SLC36A1: variants seen among roughly 807,000 people sequenced by gnomAD.
SLC36A1 encodes solute carrier family 36 member 1.
SLC36A1 carries 30 observed loss-of-function variants against 47.5 expected under a neutral mutation model. The observed-to-expected ratio is 0.63, with a 90% CI of 0.47 to 0.86. The LOEUF is 0.86. SLC36A1 is among the 40% of genes least tolerant of loss of function. The pLI is 0.00. For missense variants in SLC36A1, 517 were observed against 606.0 expected, an observed-to-expected ratio of 0.85 and a Z score of 1.54; for synonymous variants, 255 against 249.7, an observed-to-expected ratio of 1.02 and a Z score of -0.20.
the SLC36A1 span, among the ~76,000 whole-genome samples, chr5:151,431,564 C>A: frequency 2.0e-5 from 3 of 152,088 alleles, no homozygotes; most frequent in Non-Finnish European, 4.4e-5. Context: ...TAGGAGGGAC[C>A]CGGTGATAGG....
intron 10 of SLC36A1, among the ~76,000 whole-genome samples, chr5:151,482,749 C>T (rs1227755466): frequency 2.0e-5 from 3 of 152,094 alleles, no homozygotes; most frequent in African/African-American, 4.8e-5. Flanking sequence ...CCCTTGTTTT[C>T]GTATTTTTTA....
the SLC36A1 span, among the ~76,000 whole-genome samples, chr5:151,520,111 C>T: frequency 6.6e-6 from 1 of 152,230 alleles, no homozygotes; most frequent in Non-Finnish European, 1.5e-5. Context: ...CAGCCTAAAT[C>T]GAGTGGTCCC....
At chr5:151,450,420 G>A (rs1479708580) in intron 1 of SLC36A1, among the ~76,000 whole-genome samples, 1 of 151,978 alleles carries the variant, frequency 6.6e-6, no homozygotes, top group Admixed American at 6.6e-5. Context: ...ATGTAGAGTG[G>A]ATGGAGCAGA....
chr5:151,467,564 C>G (rs1331265113), intron 6 of SLC36A1, 143 bp from the exon 7 acceptor site: 5 of 707,636 alleles, frequency 7.1e-6, no homozygotes, highest in Non-Finnish European at 1.2e-5. Flanking sequence ...GTGAAGTTCT[C>G]TAAAGATGGC....
chr5:151,473,464 T>C (rs929981340), intron 7 of SLC36A1, among the ~76,000 whole-genome samples: 1 of 152,168 alleles, frequency 6.6e-6, no homozygotes, highest in African/African-American at 2.4e-5. Flanking sequence ...GGCTTGTCTT[T>C]CCCCCAAACA....
the SLC36A1 span, chr5:151,551,591 A>C: frequency 1.2e-6 from 2 of 1,614,210 alleles, no homozygotes; most frequent in Non-Finnish European, 1.7e-6. Flanking sequence ...GTCAAAGTCC[A>C]TGTCCTTATC....
At chr5:151,399,840 G>A in the SLC36A1 span, among the ~76,000 whole-genome samples, 2 of 152,110 alleles carry the variant, frequency 1.3e-5, no homozygotes, top group Non-Finnish European at 1.5e-5. Context: ...CATAGTAAGG[G>A]ATCATGAAGC....
intron 2 of SLC36A1, 149 bp from the exon 3 acceptor site, chr5:151,463,404 G>T: frequency 3.0e-6 from 2 of 665,910 alleles, no homozygotes. Flanking sequence ...TACTAGGTAT[G>T]TGACCTTGAG....
chr5:151,525,137 G>A, the SLC36A1 span, among the ~76,000 whole-genome samples: 1 of 152,150 alleles, frequency 6.6e-6, no homozygotes, highest in African/African-American at 2.4e-5. Context: ...CTGAAAGAAT[G>A]AATACATCAT....
At chr5:151,379,276 G>A in the SLC36A1 span, among the ~76,000 whole-genome samples, 1 of 152,174 alleles carries the variant, frequency 6.6e-6, no homozygotes, top group Non-Finnish European at 1.5e-5. Flanking sequence ...ACCATTTTAT[G>A]AGCCAAGTAG....
intron 1 of SLC36A1, among the ~76,000 whole-genome samples, chr5:151,438,732 A>G (rs1240371122): frequency 6.6e-6 from 1 of 152,248 alleles, no homozygotes; most frequent in Middle Eastern, 3.4e-3. Context: ...AAAATTCACC[A>G]TCTCTCATGC....
the SLC36A1 span, among the ~76,000 whole-genome samples, chr5:151,400,128 C>T: frequency 6.6e-6 from 1 of 152,018 alleles, no homozygotes; most frequent in Non-Finnish European, 1.5e-5. Context: ...ATCTTAGTAC[C>T]CAATGGGTGG....
At chr5:151,377,186 C>T in the SLC36A1 span, among the ~76,000 whole-genome samples, 38 of 152,062 alleles carry the variant, frequency 2.5e-4, no homozygotes, top group Middle Eastern at 3.4e-3. Context: ...GTATACTCTG[C>T]AATTGTTGGG....
the SLC36A1 span, among the ~76,000 whole-genome samples, chr5:151,414,933 G>C: frequency 6.6e-6 from 1 of 152,094 alleles, no homozygotes; most frequent in African/African-American, 2.4e-5. Flanking sequence ...ACCTCCTCCA[G>C]CTCCAGAAGG....
chr5:151,521,558 C>T, the SLC36A1 span: 4 of 1,614,218 alleles, frequency 2.5e-6, no homozygotes, highest in Non-Finnish European at 3.4e-6. Flanking sequence ...ACATCCACAC[C>T]AGCCACGGCC....
the SLC36A1 span, among the ~76,000 whole-genome samples, chr5:151,515,341 A>G: frequency 1.3e-5 from 2 of 151,824 alleles, no homozygotes; most frequent in African/African-American, 4.8e-5. Context: ...TCCTTGGCCT[A>G]CTCTCTCTTC....
the SLC36A1 span, among the ~76,000 whole-genome samples, chr5:151,535,843 C>A: frequency 0.15 from 22,618 of 151,992 alleles, 1,823 homozygotes; most frequent in South Asian, 0.26. Context: ...GGGGTCTCCG[C>A]TGCTTGTTGT....
At chr5:151,457,843 GTTGT>G (rs1328022194) in intron 1 of SLC36A1, among the ~76,000 whole-genome samples, 1 of 129,356 alleles carries the variant, frequency 7.7e-6, no homozygotes, top group Non-Finnish European at 1.6e-5. Flanking sequence ...CTTTTTTTTT[GTTGT>G]TTGTTTGTTT....
the SLC36A1 span, among the ~76,000 whole-genome samples, chr5:151,407,422 A>G: frequency 1.3e-5 from 2 of 152,110 alleles, 1 homozygote; most frequent in East Asian, 3.8e-4. Flanking sequence ...TGATTGGTAC[A>G]TTTACAATCC....
Sources: gnomAD v4.1 joint callset for allele counts (sites outside exome capture counted in the v4.1 genomes callset) on GRCh38, gnomAD v4.1.1 for gene constraint, MANE v1.5 for transcripts, NCBI Gene and HGNC (gene_info 2026-07-23, HGNC 2026-07-21) for gene names.